CERS3: variants seen among roughly 807,000 people sequenced by gnomAD.
The protein encoded by CERS3 is LAG1 homolog, ceramide synthase 3.
In CERS3, 33 loss-of-function variants were observed where a neutral mutation model predicts 50.3. That is an observed-to-expected ratio of 0.66 (90% CI 0.50 to 0.88). CERS3 has a LOEUF of 0.88. Among genes scored for constraint, CERS3 ranks in the 40% least tolerant of loss-of-function variants. The pLI is 0.00. For missense variants in CERS3, 470 were observed against 460.3 expected (o/e 1.02, Z -0.19); for synonymous variants, 176 against 155.2 (o/e 1.13, Z -0.99).
rs1411265869 is a variant in CERS3 at position 100,462,185 on chromosome 15, G to C, written c.846-6139C>G. The stretch of plus-strand genomic sequence containing the variant: ...AAATTCTTAGAACCACTTTGTCCCT[G>C]TCCACTGGATTTAACCTTTCCAAAT... On this transcript the variant is annotated intron_variant, in intron 10 of 11. Transcript: ENST00000679737. Among the ~76,000 whole-genome samples, 3 of 152,186 alleles carry C rather than the reference G, an allele frequency of 2.0e-5. No individual in the cohort carries two copies. The East Asian group carries it at 5.8e-4, about 29-fold the overall frequency.
intron 4 of CERS3, 97 bp from the exon 5 acceptor site, chr15:100,484,765 TG>T: frequency 1.2e-6 from 1 of 859,190 alleles, no homozygotes. Context: ...GCTTCGGTAC[TG>T]GGGATGAGAG....
intron 3 of CERS3, among the ~76,000 whole-genome samples, chr15:100,492,501 G>T (rs1320815998): frequency 6.6e-6 from 1 of 152,100 alleles, no homozygotes; most frequent in Non-Finnish European, 1.5e-5. Flanking sequence ...ATTACATTTT[G>T]TCTGATATTA....
intron 11 of CERS3, among the ~76,000 whole-genome samples, chr15:100,409,562 G>C (rs2031314434): frequency 6.6e-6 from 1 of 152,288 alleles, no homozygotes; most frequent in East Asian, 1.9e-4. Flanking sequence ...GTATGCTCTA[G>C]GGGGAACAAG....
intron 3 of CERS3, among the ~76,000 whole-genome samples, 186 bp from the exon 4 acceptor site, chr15:100,491,117 A>T (rs2035638107): frequency 6.6e-6 from 1 of 151,596 alleles, no homozygotes; most frequent in African/African-American, 2.4e-5. Flanking sequence ...CAAAAAAGCA[A>T]TGATTAAAAA....
chr15:100,533,562 CTTTTTTT>C (rs59483467), upstream of CERS3, among the ~76,000 whole-genome samples: 2 of 112,418 alleles, frequency 1.8e-5, no homozygotes, highest in East Asian at 2.3e-4. Flanking sequence ...CCCTCTCTCT[CTTTTTTT>C]TTTTTTTTTT....
At chr15:100,476,936 T>C (rs1337426333) in intron 7 of CERS3, among the ~76,000 whole-genome samples, 2 of 152,176 alleles carry the variant, frequency 1.3e-5, no homozygotes. Flanking sequence ...GTAAGAAACC[T>C]GAGCCATCCT....
chr15:100,536,523 G>T (rs1305297212), intron 1 of CERS3, among the ~76,000 whole-genome samples: 2 of 152,218 alleles, frequency 1.3e-5, no homozygotes, highest in Non-Finnish European at 2.9e-5. Flanking sequence ...AAGCTCGAAT[G>T]AACTGCTCAC....
At chr15:100,517,731 C>G (rs372300847) in intron 2 of CERS3, among the ~76,000 whole-genome samples, 1 of 152,064 alleles carries the variant, frequency 6.6e-6, no homozygotes, top group Non-Finnish European at 1.5e-5. Flanking sequence ...CTACAGCCCC[C>G]GCAAGATAAA....
At chr15:100,465,054 C>G (rs1245104071) in intron 10 of CERS3, among the ~76,000 whole-genome samples, 2 of 152,144 alleles carry the variant, frequency 1.3e-5, no homozygotes, top group East Asian at 1.9e-4. Flanking sequence ...CACTCCAGCT[C>G]TCCTTCTCAA....
intron 11 of CERS3, among the ~76,000 whole-genome samples, chr15:100,435,231 G>A (rs971924048): frequency 3.9e-5 from 6 of 152,192 alleles, no homozygotes; most frequent in Non-Finnish European, 1.5e-5. Context: ...AAGAACTTTA[G>A]CACACTGGAG....
intron 1 of CERS3, among the ~76,000 whole-genome samples, chr15:100,524,800 T>C (rs1331659900): frequency 6.6e-6 from 1 of 152,242 alleles, no homozygotes; most frequent in Non-Finnish European, 1.5e-5. Context: ...TTGAAATGAT[T>C]AGTTTATTGT....
chr15:100,511,042 C>A (rs554015842), intron 2 of CERS3, among the ~76,000 whole-genome samples: 172 of 152,294 alleles, frequency 1.1e-3, no homozygotes, highest in Middle Eastern at 3.4e-3. Context: ...AATCCCAGCA[C>A]TTTGGGAGGC....
At chr15:100,527,106 C>A (rs912456350) in intron 1 of CERS3, among the ~76,000 whole-genome samples, 1 of 152,006 alleles carries the variant, frequency 6.6e-6, no homozygotes, top group African/African-American at 2.4e-5. Flanking sequence ...CTAGACTGAC[C>A]AACATGGCGA....
chr15:100,469,955 G>A (rs992519295), intron 9 of CERS3, among the ~76,000 whole-genome samples: 1 of 151,980 alleles, frequency 6.6e-6, no homozygotes, highest in African/African-American at 2.4e-5. Flanking sequence ...GAGGGAAGAG[G>A]CAAAGTTGGG....
intron 10 of CERS3, among the ~76,000 whole-genome samples, chr15:100,465,457 A>G (rs2034681244): frequency 6.8e-6 from 1 of 146,374 alleles, no homozygotes; most frequent in African/African-American, 2.5e-5. Flanking sequence ...TGGTGGGAAG[A>G]CCATTTAAAC....
intron 4 of CERS3, 46 bp downstream of exon 4, chr15:100,490,771 T>C (rs765930848): frequency 8.3e-7 from 1 of 1,198,802 alleles, no homozygotes; most frequent in African/African-American, 1.5e-5. Context: ...ATTGAACCAT[T>C]AAGAAAGAAG....
Position 100,471,465 on chromosome 15 carries a change from C to A in CERS3, c.738+1459G>T, listed in dbSNP as rs537504233. ...ATTCCCAGGGTGAACATCTAACTCC[C>A]CTTTAATAACACAATGAGGCTGTTT... On this transcript the variant is annotated intron_variant, in intron 9 of 11. Coordinates refer to ENST00000679737, the MANE Select transcript of CERS3 (RefSeq NM_001378789.1). Among the ~76,000 whole-genome samples the A allele has an allele frequency of 1.5e-3, 223 of 152,230 alleles. 2 individuals carry two copies. Among genetic ancestry groups the A allele is most frequent in the African/African-American group, 5.3e-3 (219 of 41,530 alleles).
chr15:100,476,242 C>T (rs1461677701), intron 7 of CERS3, 64 bp from the exon 8 acceptor site: 1 of 969,478 alleles, frequency 1.0e-6, no homozygotes, highest in Non-Finnish European at 1.5e-6. Context: ...TTTTAATGCA[C>T]TAAAACCTCC....
At chr15:100,500,849 A>G (rs534144780) in intron 3 of CERS3, among the ~76,000 whole-genome samples, 1 of 152,368 alleles carries the variant, frequency 6.6e-6, no homozygotes, top group African/African-American at 2.4e-5. Context: ...GCAAATGTTT[A>G]TAAACATATG....
Sources: allele counts gnomAD v4.1 joint callset (sites outside exome capture counted in the v4.1 genomes callset), GRCh38; gene constraint gnomAD v4.1.1; transcripts MANE v1.5; gene names NCBI Gene and HGNC (gene_info 2026-07-23, HGNC 2026-07-21).